Variants in NET1 observed in about 807,000 individuals in gnomAD.
NET1 encodes the protein neuroepithelial cell transforming 1.
A neutral mutation model predicts 61.1 loss-of-function variants in NET1; 42 were observed. The ratio of observed to expected loss-of-function variants is 0.69; its 90% CI spans 0.54 to 0.89. NET1 has a LOEUF of 0.89. NET1 is among the 40% of genes least tolerant of loss of function. The pLI, the probability that NET1 is intolerant of heterozygous loss-of-function variation, is 0.00. For missense variants in NET1, 654 were observed against 747.3 expected, an observed-to-expected ratio of 0.88 and a Z score of 1.46; for synonymous variants, 254 against 281.8, an observed-to-expected ratio of 0.90 and a Z score of 0.99.
Position 5,456,851 on chromosome 10 carries a change from G to C in NET1, c.1648G>C (p.Asp550His). Reference protein sequence around the residue: ...TVSSVTQVEVDENAYRCGSGM... With the variant: ...TVSSVTQVEVHENAYRCGSGM... Reference sequence around the variant, plus strand: ...TTCCAGTGTTACTCAGGTAGAAGTTGATGAAAACGCTTACAGATGTGGCTC... The same window carrying C: ...TTCCAGTGTTACTCAGGTAGAAGTTCATGAAAACGCTTACAGATGTGGCTC... Residue 550 changes from aspartate to histidine, a missense_variant, in exon 12 of 12, where the codon GAT (aspartate) becomes CAT (histidine). Transcript: ENST00000355029. This position sits in a 1 kb window ranked among gnomAD's most constrained non-coding sequence, Gnocchi z 7.0. 3 of 1,614,112 alleles carry C rather than the reference G, an allele frequency of 1.9e-6. No homozygotes were observed. The highest frequency in any genetic ancestry group is 2.5e-6 in the Non-Finnish European group (3 of 1,180,022).
chr10:5,417,910 T>G lies in NET1; in HGVS notation c.128+5090T>G, dbSNP rs1032024800. Among the ~76,000 whole-genome samples the G allele has an allele frequency of 1.3e-5, 2 of 152,212 alleles. No individual in the cohort carries two copies. Among genetic ancestry groups the G allele is most frequent in the African/African-American group, 2.4e-5 (1 of 41,454 alleles). On this transcript the variant is annotated intron_variant, in intron 1 of 11. Transcript: ENST00000355029. The surrounding 1 kb of genome is among the most constrained non-coding windows in gnomAD (Gnocchi z 5.5). ...TTTAGGGTTTTTTTTCTTTTGTCTA[T>G]TGAAATGATCATGTGGTTGTTGTTA...
At position 5,452,071 on chromosome 10, in the gene NET1, T is replaced by C; in HGVS notation, c.363+134T>C. Reference sequence around the variant, plus strand: ...TAGTTTTCTTTTTGGAATATGCTAGTAAGGAATATTGTTCCAGAACAATGT... The same window carrying C: ...TAGTTTTCTTTTTGGAATATGCTAGCAAGGAATATTGTTCCAGAACAATGT... On this transcript the variant is annotated intron_variant, in intron 4 of 11. Coordinates refer to ENST00000355029, the MANE Select transcript of NET1 (RefSeq NM_001047160.3). This position sits in a 1 kb window ranked among gnomAD's most constrained non-coding sequence, Gnocchi z 4.0. 2 of 655,508 alleles carry C rather than the reference T, an allele frequency of 3.1e-6. No homozygotes were observed. Among genetic ancestry groups the C allele is most frequent in the Non-Finnish European group, 2.5e-6 (1 of 399,274 alleles). 40.6% of individuals were successfully genotyped at this position (655,508 alleles called of 1,614,324 possible).
At position 5,416,901 on chromosome 10, in the gene NET1, C is replaced by T. The variant is rs1050775807; in HGVS notation, c.128+4081C>T. ...TAGCCATCCGTAGGCGGCTTGTATTCATCAGCTCAGTTAGACCCCTGCCTT... is the reference window on the plus strand; with the variant it reads ...TAGCCATCCGTAGGCGGCTTGTATTTATCAGCTCAGTTAGACCCCTGCCTT... On this transcript the variant is annotated intron_variant, in intron 1 of 11. Coordinates refer to ENST00000355029, the MANE Select transcript of NET1 (RefSeq NM_001047160.3). This position sits in a 1 kb window ranked among gnomAD's most constrained non-coding sequence, Gnocchi z 6.1. 1.3e-5 allele frequency among the ~76,000 whole-genome samples: 2 copies of T among 152,172 alleles called. No individual in the cohort carries two copies. Among genetic ancestry groups the T allele is most frequent in the African/African-American group, 4.8e-5 (2 of 41,448 alleles).
intron 3 of NET1, among the ~76,000 whole-genome samples, chr10:5,450,637 A>G (rs1832689249): frequency 6.6e-6 from 1 of 152,156 alleles, no homozygotes; most frequent in East Asian, 1.9e-4. Flanking sequence ...TTTAAATTAT[A>G]TATCCTCCTG....
In NET1 at chr10:5,412,651, C is replaced by A; in HGVS notation, c.-42C>A. On this transcript the variant is annotated 5_prime_UTR_variant, in exon 1 of 12. Transcript: ENST00000355029. The surrounding 1 kb of genome is among the most constrained non-coding windows in gnomAD (Gnocchi z 6.5). ...GGGCATCGTGCCCGTCCCTGCCGGTCTCCCGGGCACCCGGCCACCGCCCCA... is the reference window on the plus strand; with the variant it reads ...GGGCATCGTGCCCGTCCCTGCCGGTATCCCGGGCACCCGGCCACCGCCCCA... 6.9e-7 allele frequency: 1 copy of A among 1,446,258 alleles called. No homozygotes were observed. Among genetic ancestry groups the A allele is most frequent in the South Asian group, 1.4e-5 (1 of 72,618 alleles). 89.6% of individuals were successfully genotyped at this position (1,446,258 alleles called of 1,614,324 possible).
In NET1 at chr10:5,426,841, C is replaced by T. The variant is rs78463054; in HGVS notation, c.195+120C>T. On this transcript the variant is annotated intron_variant, in intron 2 of 11. Coordinates refer to ENST00000355029, the MANE Select transcript of NET1 (RefSeq NM_001047160.3). This position sits in a 1 kb window ranked among gnomAD's most constrained non-coding sequence, Gnocchi z 4.6. The stretch of plus-strand genomic sequence containing the variant: ...CTGAGGGTCTTGAGGAACAGAATTC[C>T]TGTAACCATCTTTGGCAGCCTAATT... The T allele has an allele frequency of 2.7e-3, 1,542 of 580,214 alleles. 32 individuals carry two copies. The East Asian group carries it at 0.044, about 17-fold the overall frequency. 35.9% of individuals were successfully genotyped at this position (580,214 alleles called of 1,614,324 possible).
At position 5,456,619 on chromosome 10, in the gene NET1, C is replaced by T; in HGVS notation, c.1416C>T (p.Asp472=). ...ATATCTTTAGAATTCGCTTCCATGA[C>T]CCCTCTCCAGCCCAGTCTCACACTC... ...AKNIFRIRFH[D]PSPAQSHTLQ... is the part of the protein sequence containing the mutation. Residue 472 remains aspartate, a synonymous_variant, in exon 12 of 12, where the codon GAC becomes GAT. Coordinates refer to ENST00000355029, the MANE Select transcript of NET1 (RefSeq NM_001047160.3). The surrounding 1 kb of genome is among the most constrained non-coding windows in gnomAD (Gnocchi z 7.0). The T allele has an allele frequency of 6.4e-7, 1 of 1,552,508 alleles. No individual in the cohort carries two copies. The highest frequency in any genetic ancestry group is 8.7e-7 in the Non-Finnish European group (1 of 1,151,856).
Position 5,455,094 on chromosome 10 carries a change from G to A in NET1, c.1173G>A (p.Gly391=). The change falls in exon 10 of 12, where the codon GGG becomes GGA. Residue 391 remains glycine, a synonymous_variant. Coordinates refer to ENST00000355029, the MANE Select transcript of NET1 (RefSeq NM_001047160.3). The surrounding 1 kb of genome is among the most constrained non-coding windows in gnomAD (Gnocchi z 6.5). ...IEASKVLLCH[G]ELRSKSGHKL... is the part of the protein sequence containing the mutation. ...CGAGCAAAGTGCTGCTGTGCCATGG[G>A]GAGCTGCGGAGCAAGAGTGGACATG... 1.2e-6 allele frequency: 2 copies of A among 1,613,644 alleles called. No individual in the cohort carries two copies. Among genetic ancestry groups the A allele is most frequent in the South Asian group, 1.1e-5 (1 of 91,056 alleles).
rs1057186191 is a variant in NET1, at chr10:5,420,980, A to T, written c.129-5675A>T. ...CTGCTTTTCTGGCCTAGTTTTTTTG[A>T]TACCAAGTCTGTTCTGGCCTCAGCT... is the stretch of plus-strand genomic sequence containing the variant. On this transcript the variant is annotated intron_variant, in intron 1 of 11. Coordinates refer to ENST00000355029, the MANE Select transcript of NET1 (RefSeq NM_001047160.3). This position sits in a 1 kb window ranked among gnomAD's most constrained non-coding sequence, Gnocchi z 5.3. 1.3e-5 allele frequency among the ~76,000 whole-genome samples: 2 copies of T among 152,164 alleles called. No individual in the cohort carries two copies. The highest frequency in any genetic ancestry group is 4.8e-5 in the African/African-American group (2 of 41,440).
At position 5,421,235 on chromosome 10, in the gene NET1, G is replaced by A. The variant is rs1665593314; in HGVS notation, c.129-5420G>A. Among the ~76,000 whole-genome samples, 1 of 152,186 alleles carries A rather than the reference G, an allele frequency of 6.6e-6. No individual in the cohort carries two copies. The highest frequency in any genetic ancestry group is 2.4e-5 in the African/African-American group (1 of 41,450). On this transcript the variant is annotated intron_variant, in intron 1 of 11. Coordinates refer to ENST00000355029, the MANE Select transcript of NET1 (RefSeq NM_001047160.3). This position sits in a 1 kb window ranked among gnomAD's most constrained non-coding sequence, Gnocchi z 4.2. Reference sequence around the variant, plus strand: ...CTAAGGTCCTGAAAATTGGACACAAGTAATGTTTAAATAATTTTATTTCTG... The same window carrying A: ...CTAAGGTCCTGAAAATTGGACACAAATAATGTTTAAATAATTTTATTTCTG...
rs1832665033 is a variant in NET1, at chr10:5,449,104, C to G, written c.256-2726C>G. On this transcript the variant is annotated intron_variant, in intron 3 of 11. Coordinates refer to ENST00000355029, the MANE Select transcript of NET1 (RefSeq NM_001047160.3). The surrounding 1 kb of genome is among the most constrained non-coding windows in gnomAD (Gnocchi z 4.4). ...ATGCCTAAACCATGTCACTTTTCCA[C>G]AGAAGTTTCATGTATGAGTCTGTTT... 6.6e-6 allele frequency among the ~76,000 whole-genome samples: 1 copy of G among 152,150 alleles called. No homozygotes were observed. The highest frequency in any genetic ancestry group is 1.5e-5 in the Non-Finnish European group (1 of 68,024).
At chr10:5,428,889 A>AT (rs71388434) in intron 2 of NET1, among the ~76,000 whole-genome samples, 132,683 of 140,270 alleles carry the variant, frequency 0.95, 62,811 homozygotes, top group Non-Finnish European at 0.97. Flanking sequence ...CGCGCAGCTA[A>AT]TTTTTTTTTT....
rs1208327564 is a variant in NET1 at position 5,436,212 on chromosome 10, G to A, written c.255+6983G>A. 3.4e-3 allele frequency among the ~76,000 whole-genome samples: 255 copies of A among 75,942 alleles called. 1 individual carries two copies. Among genetic ancestry groups the A allele is most frequent in the East Asian group, 6.2e-3 (18 of 2,902 alleles). The allele number at this position is 75,942 out of a possible 152,430, so 49.8% of individuals were successfully genotyped here. A position where few individuals can be genotyped will look rare whatever the true frequency, so the allele number is the denominator to read the frequency against. Reference sequence around the variant, plus strand: ...TGTGTGTGTGTGTGTGTGTGTGTGTGTGTGTGTGTGTGCATATATATATAT... The same window carrying A: ...TGTGTGTGTGTGTGTGTGTGTGTGTATGTGTGTGTGTGCATATATATATAT... On this transcript the variant is annotated intron_variant, in intron 3 of 11. Coordinates refer to ENST00000355029, the MANE Select transcript of NET1 (RefSeq NM_001047160.3).
rs963913195 is a variant in NET1, at chr10:5,422,380, C to T, written c.129-4275C>T. On this transcript the variant is annotated intron_variant, in intron 1 of 11. Transcript: ENST00000355029. This position sits in a 1 kb window ranked among gnomAD's most constrained non-coding sequence, Gnocchi z 4.1. ...TGTGTAGACATACGTTTTCACTCCT[C>T]TTGGGTAAATTCTTGGGGGTGGAAT... Among the ~76,000 whole-genome samples the T allele has an allele frequency of 2.0e-5, 3 of 152,054 alleles. No individual in the cohort carries two copies. Among genetic ancestry groups the T allele is most frequent in the African/African-American group, 7.2e-5 (3 of 41,394 alleles).
rs1832493097 is a variant in NET1, at chr10:5,439,610, G to C, written c.255+10381G>C. On this transcript the variant is annotated intron_variant, in intron 3 of 11. Transcript: ENST00000355029. The surrounding 1 kb of genome is among the most constrained non-coding windows in gnomAD (Gnocchi z 4.8). ...TCGCACAGTTAAATGATGTCCTGTA[G>C]CCAGGGCCTCACTCTAACTAGGTCT... Among the ~76,000 whole-genome samples, 1 of 152,196 alleles carries C rather than the reference G, an allele frequency of 6.6e-6. No individual in the cohort carries two copies. Among genetic ancestry groups the C allele is most frequent in the South Asian group, 2.1e-4 (1 of 4,830 alleles).
rs1375018752 is a variant in NET1, at chr10:5,452,234, T to C, written c.364-124T>C. 4 of 908,590 alleles carry C rather than the reference T, an allele frequency of 4.4e-6. No homozygotes were observed. Among genetic ancestry groups the C allele is most frequent in the Non-Finnish European group, 6.2e-6 (4 of 642,852 alleles). The allele number at this position is 908,590 out of a possible 1,614,324, so 56.3% of individuals were successfully genotyped here. A position where few individuals can be genotyped will look rare whatever the true frequency, so the allele number is the denominator to read the frequency against. On this transcript the variant is annotated intron_variant, in intron 4 of 11. Coordinates refer to ENST00000355029, the MANE Select transcript of NET1 (RefSeq NM_001047160.3). This position sits in a 1 kb window ranked among gnomAD's most constrained non-coding sequence, Gnocchi z 4.0. Reference sequence around the variant, plus strand: ...GGTAGGTGGAAACTTGGATAAATTATTGTTTTCTGCATTGAGAAATTCTCA... The same window carrying C: ...GGTAGGTGGAAACTTGGATAAATTACTGTTTTCTGCATTGAGAAATTCTCA...
At chr10:5,448,778 A>T (rs1320427475) in intron 3 of NET1, among the ~76,000 whole-genome samples, 1 of 151,900 alleles carries the variant, frequency 6.6e-6, no homozygotes, top group Non-Finnish European at 1.5e-5. Flanking sequence ...AGTAAAAAAT[A>T]AACAATCCTA....
Position 5,454,251 on chromosome 10 carries a change from T to C in NET1, c.769-14T>C. The C allele has an allele frequency of 6.2e-7, 1 of 1,605,564 alleles. No homozygotes were observed. Among genetic ancestry groups the C allele is most frequent in the East Asian group, 2.2e-5 (1 of 44,828 alleles). ...ACAGGAACACATCATACCTTTTCTT[T>C]TATTACTCTTCAGTTACCGCGCTTG... is the stretch of plus-strand genomic sequence containing the variant. On this transcript the variant is annotated splice_polypyrimidine_tract_variant and intron_variant, in intron 8 of 11. Coordinates refer to ENST00000355029, the MANE Select transcript of NET1 (RefSeq NM_001047160.3). The surrounding 1 kb of genome is among the most constrained non-coding windows in gnomAD (Gnocchi z 8.1).
rs143057480 is a variant in NET1 at position 5,454,131 on chromosome 10, T to C, written c.769-134T>C. ...AAATGCTATTCAGCTTCCATTATTA[T>C]CTGCCAGAAAATGTCCACAGCTTGT... On this transcript the variant is annotated intron_variant, in intron 8 of 11. Coordinates refer to ENST00000355029, the MANE Select transcript of NET1 (RefSeq NM_001047160.3). The surrounding 1 kb of genome is among the most constrained non-coding windows in gnomAD (Gnocchi z 8.1). 1,054 of 915,716 alleles carry C rather than the reference T, an allele frequency of 1.2e-3. 5 individuals are homozygous for C. The African/African-American group carries it at 0.016, about 14-fold the overall frequency. The allele number at this position is 915,716 out of a possible 1,614,324, so 56.7% of individuals were successfully genotyped here.
Sources: allele counts gnomAD v4.1 joint callset (sites outside exome capture counted in the v4.1 genomes callset), GRCh38; gene constraint gnomAD v4.1.1; non-coding constraint Gnocchi (gnomAD v3.1); transcripts MANE v1.5; gene names NCBI Gene and HGNC (gene_info 2026-07-23, HGNC 2026-07-21).